HEATR1: variants seen among roughly 807,000 people sequenced by gnomAD.
HEATR1 encodes HEAT repeat containing 1.
Under a neutral mutation model 248.2 loss-of-function variants are expected in HEATR1, and 77 were observed. The observed-to-expected ratio is 0.31, with a 90% CI of 0.26 to 0.37. HEATR1 has a LOEUF of 0.37. Among genes scored for constraint, HEATR1 ranks in the 10% least tolerant of loss-of-function variants. The probability of loss-of-function intolerance (pLI) is 1.00; values close to 1 mark genes in which losing one functional copy is unlikely to be tolerated. For synonymous variants in HEATR1, 897 were observed against 923.1 expected (o/e 0.97, Z 0.51); for missense variants, 2,420 against 2,504.9 (o/e 0.97, Z 0.72).
At chr1:236,561,847 T>C (rs1443440268) in intron 32 of HEATR1, among the ~76,000 whole-genome samples, 1 of 152,242 alleles carries the variant, frequency 6.6e-6, no homozygotes, top group Admixed American at 6.5e-5. Flanking sequence ...TCCATTTGCC[T>C]CTGTTGTTAG....
Position 236,559,764 on chromosome 1 carries a change from C to T in HEATR1, c.4720G>A (p.Val1574Met), listed in dbSNP as rs201834812. Residue 1574 changes from valine to methionine, a missense_variant, in exon 34 of 45, where the codon GTG becomes ATG. By Grantham distance (21) the Val-to-Met change is conservative. Transcript: ENST00000366582. The stretch of plus-strand genomic sequence containing the variant: ...CTAAGGAGCGCGCGCCAGAACTTCA[C>T]GGTGAGTTTGTCTGCGTTCCTTTCC... ...SMERNADKLTVKFWRALLSKA... is the reference protein window; with the variant it reads ...SMERNADKLTMKFWRALLSKA... 357 of 1,614,044 alleles carry T rather than the reference C, an allele frequency of 2.2e-4. 3 individuals carry two copies. In the South Asian group the frequency reaches 3.1e-3, roughly 14 times the overall value.
intron 15 of HEATR1, 149 bp from the exon 16 acceptor site, chr1:236,586,090 G>T (rs1663876883): frequency 4.8e-6 from 6 of 1,261,836 alleles, no homozygotes; most frequent in Non-Finnish European, 6.6e-6. Flanking sequence ...CTATGAATTG[G>T]CTTCCTTTTC....
At position 236,594,054 on chromosome 1, in the gene HEATR1, G is replaced by T. The variant is rs773135508; in HGVS notation, c.1151C>A (p.Thr384Lys). 2.5e-6 allele frequency: 4 copies of T among 1,599,434 alleles called. No individual in the cohort carries two copies. Among genetic ancestry groups the T allele is most frequent in the African/African-American group, 2.7e-5 (2 of 74,026 alleles). ...TAAGTTGTTCTTCAGTGATATTTTT[G>T]TAAGTATAGCTTCTAAGTGTCTCTT... ...IYKRHLEAILTKISLKNNLDH... is the reference protein window; with the variant it reads ...IYKRHLEAILKKISLKNNLDH... Residue 384 changes from threonine to lysine, a missense_variant, in exon 9 of 45, where the codon ACA becomes AAA. Transcript: ENST00000366582.
rs900153209 is a variant in HEATR1, at chr1:236,597,046, G to A, written c.604-70C>T. On this transcript the variant is annotated intron_variant, in intron 5 of 44. Coordinates refer to ENST00000366582, the MANE Select transcript of HEATR1 (RefSeq NM_018072.6). ...AGGTAGAAGGATTGCTTGAGGCCAG[G>A]AGTTCAAGGCTGAGATTTCAATGAA... 3 of 1,464,102 alleles carry A rather than the reference G, an allele frequency of 2.0e-6. No individual in the cohort carries two copies. The South Asian group carries it at 3.8e-5, about 18-fold the overall frequency. 90.7% of individuals were successfully genotyped at this position (1,464,102 alleles called of 1,614,324 possible).
intron 32 of HEATR1, among the ~76,000 whole-genome samples, 196 bp downstream of exon 32, chr1:236,564,302 A>G (rs1057154870): frequency 1.3e-5 from 2 of 152,156 alleles, no homozygotes; most frequent in Admixed American, 6.5e-5. Flanking sequence ...TGAGTCACAG[A>G]GTTTACATTA....
Position 236,565,923 on chromosome 1 carries a change from T to C in HEATR1, c.4431A>G (p.Lys1477=). The change falls in exon 31 of 45, where the codon AAA becomes AAG. Residue 1477 remains lysine, a synonymous_variant. Transcript: ENST00000366582. ...TGACACCCGATCTACGCTTACCTTC[T>C]TTTTCCTCTGGCAGCTTTAGTAAGT... ...LQYLLKLPEE[K]EETIPKAVSF... 1 of 1,613,010 alleles carries C rather than the reference T, an allele frequency of 6.2e-7. No individual in the cohort carries two copies. Among genetic ancestry groups the C allele is most frequent in the Non-Finnish European group, 8.5e-7 (1 of 1,179,526 alleles).
rs1212442927 is a variant in HEATR1, at chr1:236,603,957, T to C, written c.139A>G (p.Ile47Val). ...ATIDRDTAFA[I>V]GCTGLEELLG... ...TCTAAGTTAAAAGATGGCTCACCAA[T>C]GGCGAAGGCGGTGTCCCTGTCGATT... is the stretch of plus-strand genomic sequence containing the variant. The change falls in exon 2 of 45, where the codon ATT becomes GTT. Residue 47 changes from isoleucine to valine, a missense_variant. Coordinates refer to ENST00000366582, the MANE Select transcript of HEATR1 (RefSeq NM_018072.6). 1.3e-6 allele frequency: 2 copies of C among 1,589,250 alleles called. No individual in the cohort carries two copies. Among genetic ancestry groups the C allele is most frequent in the Admixed American group, 1.9e-5 (1 of 52,294 alleles).
At chr1:236,559,924 T>A (rs1663079452) in intron 33 of HEATR1, 87 bp from the exon 34 acceptor site, 3 of 1,336,244 alleles carry the variant, frequency 2.2e-6, no homozygotes, top group Non-Finnish European at 3.0e-6. Context: ...ATGTTTCAAG[T>A]AGAAAGACGA....
chr1:236,567,611 A>G (rs897974967), intron 29 of HEATR1, among the ~76,000 whole-genome samples: 37 of 152,248 alleles, frequency 2.4e-4, no homozygotes, highest in African/African-American at 8.7e-4. Context: ...CAGGAGGCTG[A>G]GGCAGGAGAA....
chr1:236,602,535 C>T lies in HEATR1; in HGVS notation c.359+625G>A, dbSNP rs192451183. Among the ~76,000 whole-genome samples, 254 of 152,334 alleles carry T rather than the reference C, an allele frequency of 1.7e-3. 2 individuals carry two copies. Among genetic ancestry groups the T allele is most frequent in the African/African-American group, 5.9e-3 (247 of 41,578 alleles). Reference sequence around the variant, plus strand: ...AGGATAACATTGCCTGCTTCCCCAACCATCTTGTTATTTTGCCAAGAAAGC... The same window carrying T: ...AGGATAACATTGCCTGCTTCCCCAATCATCTTGTTATTTTGCCAAGAAAGC... On this transcript the variant is annotated intron_variant, in intron 3 of 44. Transcript: ENST00000366582.
intron 11 of HEATR1, among the ~76,000 whole-genome samples, chr1:236,591,674 G>GA (rs1418510244): frequency 6.6e-6 from 1 of 152,132 alleles, no homozygotes; most frequent in African/African-American, 2.4e-5. Flanking sequence ...AGACCTAGAT[G>GA]AAAGACAGAG....
chr1:236,552,177 G>A, intron 43 of HEATR1, 70 bp from the exon 44 acceptor site: 1 of 988,558 alleles, frequency 1.0e-6, no homozygotes, highest in Non-Finnish European at 1.6e-6. Flanking sequence ...GAGCTGTACT[G>A]ACTTGAGACA....
Position 236,555,309 on chromosome 1 carries a change from G to T in HEATR1, c.5910C>A (p.Asn1970Lys). 1 of 1,614,134 alleles carries T rather than the reference G, an allele frequency of 6.2e-7. No homozygotes were observed. The highest frequency in any genetic ancestry group is 8.5e-7 in the Non-Finnish European group (1 of 1,179,998). Residue 1970 changes from asparagine to lysine, a missense_variant, in exon 41 of 45, where the codon AAC becomes AAA. Transcript: ENST00000366582. ...GCGACCACCCACCTGTTTTGGAGAT[G>T]TTCACCTGGTTCAAGGTGTCAGCAA... ...KPFADTLNQV[N>K]ISKTDEAFFD...
Position 236,582,791 on chromosome 1 carries a change from A to G in HEATR1, c.2507T>C (p.Met836Thr), listed in dbSNP as rs1663787784. The G allele has an allele frequency of 6.2e-7, 1 of 1,614,172 alleles. No homozygotes were observed. The highest frequency in any genetic ancestry group is 8.5e-7 in the Non-Finnish European group (1 of 1,179,990). The change falls in exon 19 of 45, where the codon ATG (methionine) becomes ACG (threonine). Residue 836 changes from methionine to threonine, a missense_variant. Physicochemically the swap from Met to Thr is moderately conservative, Grantham distance 81. Coordinates refer to ENST00000366582, the MANE Select transcript of HEATR1 (RefSeq NM_018072.6). ...ATGAACAGCATCGGCACCATTGAGC[A>G]TCATCTCAAACAGCCCAATGAGCAA... ...LHLLIGLFEM[M>T]LNGADAVHFR...
At chr1:236,559,569 AAG>A (rs1663067754) in intron 34 of HEATR1, 143 bp downstream of exon 34, 4 of 996,036 alleles carry the variant, frequency 4.0e-6, no homozygotes, top group Non-Finnish European at 5.7e-6. Flanking sequence ...TCTAGTCATC[AAG>A]AGATTGTTTT....
chr1:236,552,844 A>C (rs759298660), intron 43 of HEATR1: 4 of 152,258 alleles, frequency 2.6e-5, no homozygotes, highest in African/African-American at 9.6e-5. Flanking sequence ...TGATTTGTGC[A>C]AAGTAAAATA....
intron 32 of HEATR1, among the ~76,000 whole-genome samples, chr1:236,564,186 T>G (rs562971344): frequency 1.3e-5 from 2 of 152,366 alleles, no homozygotes; most frequent in African/African-American, 4.8e-5. Flanking sequence ...ACCAGTTTTG[T>G]GCTACCATGA....
chr1:236,576,016 AAAAG>A (rs1663553127), intron 22 of HEATR1, among the ~76,000 whole-genome samples, 199 bp downstream of exon 22: 1 of 152,220 alleles, frequency 6.6e-6, no homozygotes, highest in East Asian at 1.9e-4. Context: ...TTTTAAAATA[AAAAG>A]AAACTCACCA....
In HEATR1 at chr1:236,581,302, T is replaced by C; in HGVS notation, c.2675A>G (p.Gln892Arg). Residue 892 changes from glutamine to arginine, a missense_variant, in exon 20 of 45, where the codon CAA (glutamine) becomes CGA (arginine). By Grantham distance (43) the Gln-to-Arg change is conservative (BLOSUM62 1). Transcript: ENST00000366582. ...NCSVKTVLQT[Q>R]ALYVGCAMLS... Reference sequence around the variant, plus strand: ...CATTGCACAGCCCACATAAAGAGCTTGAGTCTGCAGCACTGTTTTCACACT... The same window carrying C: ...CATTGCACAGCCCACATAAAGAGCTCGAGTCTGCAGCACTGTTTTCACACT... The C allele has an allele frequency of 6.2e-7, 1 of 1,613,792 alleles. No individual in the cohort carries two copies.
Sources: allele counts gnomAD v4.1 joint callset (sites outside exome capture counted in the v4.1 genomes callset), GRCh38; gene constraint gnomAD v4.1.1; transcripts MANE v1.5; gene names NCBI Gene and HGNC (gene_info 2026-07-23, HGNC 2026-07-21).